Variants in GRIA2 observed in about 807,000 individuals in gnomAD.
GRIA2 encodes glutamate receptor 2.
In GRIA2, 14 loss-of-function variants were observed where a neutral mutation model predicts 97.3. That is an observed-to-expected ratio of 0.14 (90% CI 0.10 to 0.23). The LOEUF (loss-of-function observed/expected upper bound fraction) is 0.23. Ranked by LOEUF, GRIA2 falls within the 10% of genes least tolerant of loss-of-function variation. The pLI is 1.00. For missense variants in GRIA2, 558 were observed against 1,069.8 expected, an observed-to-expected ratio of 0.52 and a Z score of 6.67; for synonymous variants, 412 against 387.8, an observed-to-expected ratio of 1.06 and a Z score of -0.73.
chr4:157,258,387 G>C (rs972536355), intron 2 of GRIA2, among the ~76,000 whole-genome samples: 2 of 152,020 alleles, frequency 1.3e-5, no homozygotes, highest in Non-Finnish European at 2.9e-5. Flanking sequence ...TACAGTTGAA[G>C]ATAAGGGATG....
At chr4:157,327,611 T>C (rs1734861987) in intron 6 of GRIA2, among the ~76,000 whole-genome samples, 1 of 152,160 alleles carries the variant, frequency 6.6e-6, no homozygotes, top group African/African-American at 2.4e-5. Context: ...TCCAACATCG[T>C]GTAAGGTATG....
In GRIA2 at chr4:157,332,416, T is replaced by C. The variant is rs1735092024; in HGVS notation, c.883-403T>C. On this transcript the variant is annotated intron_variant, in intron 6 of 15. Coordinates refer to ENST00000264426, the MANE Select transcript of GRIA2 (RefSeq NM_001083619.3). ...GAAAGTAATCCATATTCCTTCTGCA[T>C]TGACAAATGAATTTCTCATTGGACT... is the stretch of plus-strand genomic sequence containing the variant. 2.0e-5 allele frequency among the ~76,000 whole-genome samples: 3 copies of C among 152,156 alleles called. No homozygotes were observed. In the East Asian group the frequency reaches 5.8e-4, roughly 30 times the overall value.
rs1012411121 is a variant in GRIA2 at position 157,258,579 on chromosome 4, C to A, written c.229+36772C>A. On this transcript the variant is annotated intron_variant, in intron 2 of 15. Transcript: ENST00000264426. The stretch of plus-strand genomic sequence containing the variant: ...TAATTTTGCCCTTGTCCTGTCATCT[C>A]GCCCTGCCTCCATTTGCCTTGTGAT... Among the ~76,000 whole-genome samples, 3 of 152,054 alleles carry A rather than the reference C, an allele frequency of 2.0e-5. No homozygotes were observed. The East Asian group carries it at 5.8e-4, about 30-fold the overall frequency.
chr4:157,300,909 G>A (rs1005145664), intron 2 of GRIA2, among the ~76,000 whole-genome samples: 2 of 152,044 alleles, frequency 1.3e-5, no homozygotes, highest in African/African-American at 4.8e-5. Flanking sequence ...GAAAATGAAA[G>A]GTATGGCTCC....
chr4:157,311,789 TG>T (rs1734091931), intron 3 of GRIA2, among the ~76,000 whole-genome samples: 1 of 151,994 alleles, frequency 6.6e-6, no homozygotes, highest in African/African-American at 2.4e-5. Flanking sequence ...TTGGTTTTGC[TG>T]TGAATAGTAG....
chr4:157,349,252 C>T (rs28473507), intron 12 of GRIA2, among the ~76,000 whole-genome samples: 13,162 of 152,074 alleles, frequency 0.087, 580 homozygotes, highest in East Asian at 0.16. Flanking sequence ...GGGGCCCATT[C>T]TGTCTTATGT....
At chr4:157,253,257 C>G (rs1224671928) in intron 2 of GRIA2, among the ~76,000 whole-genome samples, 1 of 152,054 alleles carries the variant, frequency 6.6e-6, no homozygotes, top group African/African-American at 2.4e-5. Flanking sequence ...GCTGGGATCA[C>G]AGGCACACAC....
At chr4:157,334,198 A>G in intron 9 of GRIA2, 78 bp downstream of exon 9, 1 of 761,824 alleles carries the variant, frequency 1.3e-6, no homozygotes, top group Non-Finnish European at 2.4e-6. Context: ...TTTATATTTT[A>G]GGAGAATAAT....
At chr4:157,322,495 C>T (rs1347801042) in intron 6 of GRIA2, among the ~76,000 whole-genome samples, 1 of 152,076 alleles carries the variant, frequency 6.6e-6, no homozygotes, top group African/African-American at 2.4e-5. Context: ...GAGATCTTCA[C>T]TTGTTTATTT....
At chr4:157,324,488 G>A (rs1285748811) in intron 6 of GRIA2, among the ~76,000 whole-genome samples, 1 of 152,166 alleles carries the variant, frequency 6.6e-6, no homozygotes, top group East Asian at 1.9e-4. Context: ...AATGTTTGGA[G>A]GGAAGGTCAA....
intron 2 of GRIA2, among the ~76,000 whole-genome samples, chr4:157,258,086 C>T (rs917721363): frequency 1.6e-4 from 24 of 152,094 alleles, no homozygotes; most frequent in African/African-American, 5.8e-4. Context: ...TGTATGTCAC[C>T]TCAGGACCCT....
intron 11 of GRIA2, among the ~76,000 whole-genome samples, chr4:157,339,529 G>A (rs1249863284): frequency 6.6e-6 from 1 of 151,818 alleles, no homozygotes; most frequent in Non-Finnish European, 1.5e-5. Context: ...AAAATTTTTA[G>A]ATATCATGTA....
intron 3 of GRIA2, among the ~76,000 whole-genome samples, chr4:157,304,187 A>G (rs1733739952): frequency 6.6e-6 from 1 of 152,144 alleles, no homozygotes; most frequent in African/African-American, 2.4e-5. Context: ...TGTTATATGC[A>G]AAAGTTTTAT....
intron 2 of GRIA2, among the ~76,000 whole-genome samples, chr4:157,276,710 C>A (rs1467031059): frequency 6.6e-6 from 1 of 151,652 alleles, no homozygotes; most frequent in African/African-American, 2.4e-5. Flanking sequence ...GGCACTACCA[C>A]TACAGATCTC....
At chr4:157,264,639 A>G (rs1382883719) in intron 2 of GRIA2, among the ~76,000 whole-genome samples, 1 of 152,076 alleles carries the variant, frequency 6.6e-6, no homozygotes, top group Non-Finnish European at 1.5e-5. Context: ...ATGGGGGACC[A>G]TTTATTCTAC....
intron 4 of GRIA2, among the ~76,000 whole-genome samples, chr4:157,313,260 AATTC>A (rs756193331): frequency 1.3e-4 from 20 of 152,152 alleles, no homozygotes; most frequent in Non-Finnish European, 2.6e-4. Flanking sequence ...AAAAGTGAGT[AATTC>A]ATGAAATTTT....
chr4:157,284,056 A>T lies in GRIA2; in HGVS notation c.230-19496A>T, dbSNP rs564910078. On this transcript the variant is annotated intron_variant, in intron 2 of 15. Transcript: ENST00000264426. The stretch of plus-strand genomic sequence containing the variant: ...AGATATCTGAAGAGAAGTAGATCTC[A>T]GGTTTCTGTAACACAATAGCACTTT... Among the ~76,000 whole-genome samples, 4 of 152,008 alleles carry T rather than the reference A, an allele frequency of 2.6e-5. No homozygotes were observed. In the East Asian group the frequency reaches 7.7e-4, roughly 29 times the overall value.
intron 2 of GRIA2, among the ~76,000 whole-genome samples, chr4:157,241,905 C>T (rs1579297759): frequency 6.6e-6 from 1 of 152,122 alleles, no homozygotes; most frequent in Admixed American, 6.6e-5. Context: ...ATGAGCAGAA[C>T]AACTTAGGCA....
chr4:157,329,134 T>C (rs2126923785), intron 6 of GRIA2, among the ~76,000 whole-genome samples: 1 of 152,090 alleles, frequency 6.6e-6, no homozygotes, highest in African/African-American at 2.4e-5. Context: ...CATTTCCTCA[T>C]ACTGTTCATT....
Sources: gnomAD v4.1 joint callset for allele counts (sites outside exome capture counted in the v4.1 genomes callset) on GRCh38, gnomAD v4.1.1 for gene constraint, MANE v1.5 for transcripts, NCBI Gene and HGNC (gene_info 2026-07-23, HGNC 2026-07-21) for gene names.